The following CSNK1G1 variants were observed in gnomAD, a reference collection of about 807,000 sequenced individuals.
CSNK1G1 encodes the protein casein kinase 1 gamma 1.
Under a neutral mutation model 59.6 loss-of-function variants are expected in CSNK1G1, and 22 were observed. That is an observed-to-expected ratio of 0.37 (90% confidence interval 0.26 to 0.53). The LOEUF (loss-of-function observed/expected upper bound fraction) is 0.53, where lower values mean the gene tolerates loss of function less well. Among genes scored for constraint, CSNK1G1 ranks in the 20% least tolerant of loss-of-function variants. The probability of loss-of-function intolerance (pLI) is 0.89; values close to 1 mark genes in which losing one functional copy is unlikely to be tolerated. For missense variants in CSNK1G1, 384 were observed against 519.5 expected (o/e 0.74, Z 2.54); for synonymous variants, 179 against 177.1 (o/e 1.01, Z -0.08).
intron 2 of CSNK1G1, among the ~76,000 whole-genome samples, chr15:64,297,010 C>T (rs1895061277): frequency 7.3e-6 from 1 of 136,160 alleles, no homozygotes; most frequent in South Asian, 2.3e-4. Flanking sequence ...CCCACATAAA[C>T]CTGGAGCCCA....
chr15:64,184,493 A>G (rs2081863706), intron 10 of CSNK1G1, among the ~76,000 whole-genome samples: 1 of 151,694 alleles, frequency 6.6e-6, no homozygotes. Flanking sequence ...CCTGGACAAC[A>G]TGGTGAAACC....
At chr15:64,187,874 A>G (rs2081919067) in intron 10 of CSNK1G1, among the ~76,000 whole-genome samples, 1 of 152,228 alleles carries the variant, frequency 6.6e-6, no homozygotes, top group African/African-American at 2.4e-5. Flanking sequence ...TTAAGATCAC[A>G]TTGATTCCAG....
At chr15:64,180,521 C>T in intron 10 of CSNK1G1, 67 bp from the exon 11 acceptor site, 2 of 1,289,976 alleles carry the variant, frequency 1.6e-6, no homozygotes, top group Admixed American at 1.7e-5. Context: ...CAGCGCCAGA[C>T]AGGGTCGCTA....
Position 64,213,925 on chromosome 15 carries a change from G to C in CSNK1G1, c.644C>G (p.Ala215Gly). Residue 215 changes from alanine (A) to glycine (G), a missense_variant, in exon 6 of 12, where the codon GCA (alanine) becomes GGA (glycine). Ala to Gly is a moderately conservative substitution (Grantham distance 60, BLOSUM62 0). This residue lies in a region of CSNK1G1 where 325 missense variants were observed against 440.9 expected (regional missense o/e 0.74). Transcript: ENST00000303052. ...YREHKSLTGTARYMSINTHLG... is the reference protein window; with the variant it reads ...YREHKSLTGTGRYMSINTHLG... Reference sequence around the variant, plus strand: ...ATGCGTGTTGATAGACATATATCTTGCAGTTCCAGTTAAACTTTTGTGTTC... The same window carrying C: ...ATGCGTGTTGATAGACATATATCTTCCAGTTCCAGTTAAACTTTTGTGTTC... 1 of 1,614,030 alleles carries C rather than the reference G, an allele frequency of 6.2e-7. No individual in the cohort carries two copies. Among genetic ancestry groups the C allele is most frequent in the Non-Finnish European group, 8.5e-7 (1 of 1,179,922 alleles).
At chr15:64,313,449 A>G in intron 1 of CSNK1G1, among the ~76,000 whole-genome samples, 1 of 152,228 alleles carries the variant, frequency 6.6e-6, no homozygotes, top group Non-Finnish European at 1.5e-5. Context: ...TGTCCTTTGC[A>G]GGGACATGGA....
At chr15:64,296,937 CTTTTTTTTTT>C (rs960068624) in intron 2 of CSNK1G1, among the ~76,000 whole-genome samples, 84 of 89,668 alleles carry the variant, frequency 9.4e-4, no homozygotes, top group Non-Finnish European at 4.4e-4. Flanking sequence ...ACTATCGTTA[CTTTTTTTTTT>C]TTTTTTTTTT....
chr15:64,231,066 C>T (rs2082541605), intron 4 of CSNK1G1, among the ~76,000 whole-genome samples: 1 of 151,548 alleles, frequency 6.6e-6, no homozygotes, highest in South Asian at 2.1e-4. Context: ...GTGGCTCACA[C>T]CTGTAATCTC....
At chr15:64,220,156 G>A (rs1175643977) in intron 4 of CSNK1G1, among the ~76,000 whole-genome samples, 1 of 150,656 alleles carries the variant, frequency 6.6e-6, no homozygotes, top group Non-Finnish European at 1.5e-5. Flanking sequence ...ATGCAGTGGC[G>A]TGGTCTCAGC....
rs561897988 is a variant in CSNK1G1, at chr15:64,317,165, T to C, written c.-224-16442A>G. Among the ~76,000 whole-genome samples the C allele has an allele frequency of 3.8e-4, 58 of 152,296 alleles. No homozygotes were observed. In the South Asian group the frequency reaches 8.1e-3, roughly 21 times the overall value. On this transcript the variant is annotated intron_variant, in intron 1 of 11. Coordinates refer to ENST00000303052, the MANE Select transcript of CSNK1G1 (RefSeq NM_022048.5). Reference sequence around the variant, plus strand: ...GTGCAGTGGCATAATCTAGGCTCACTGCAACCTCCGCCTCCCAGGTTCAAG... The same window carrying C: ...GTGCAGTGGCATAATCTAGGCTCACCGCAACCTCCGCCTCCCAGGTTCAAG...
chr15:64,307,307 C>CA (rs1313441758), intron 1 of CSNK1G1, among the ~76,000 whole-genome samples: 7 of 151,894 alleles, frequency 4.6e-5, no homozygotes, highest in Non-Finnish European at 8.8e-5. Context: ...AAACTGTACC[C>CA]AAAAAATCTA....
chr15:64,355,517 G>A (rs1055645092), intron 1 of CSNK1G1, among the ~76,000 whole-genome samples: 1 of 152,208 alleles, frequency 6.6e-6, no homozygotes, highest in African/African-American at 2.4e-5. Context: ...GCTCCGCCAA[G>A]GGCGGCTCCC....
intron 4 of CSNK1G1, among the ~76,000 whole-genome samples, chr15:64,237,412 C>T (rs190531095): frequency 1.9e-3 from 295 of 152,290 alleles, no homozygotes; most frequent in Non-Finnish European, 3.8e-3. Flanking sequence ...TTCACTATTT[C>T]ATCCTTTCTT....
In CSNK1G1 at chr15:64,263,281, A is replaced by G. The variant is rs147257265; in HGVS notation, c.182-4040T>C. On this transcript the variant is annotated intron_variant, in intron 2 of 11. Coordinates refer to ENST00000303052, the MANE Select transcript of CSNK1G1 (RefSeq NM_022048.5). ...TCAGCTCATTGCAACCTTTGCCTCC[A>G]TGGTTCAAGCGATTCTCCTGCCTCA... Among the ~76,000 whole-genome samples the G allele has an allele frequency of 6.9e-3, 1,046 of 151,388 alleles. 17 individuals are homozygous for G. The highest frequency in any genetic ancestry group is 0.024 in the African/African-American group (1,002 of 41,312).
chr15:64,175,163 A>G (rs1194912620), intron 11 of CSNK1G1, among the ~76,000 whole-genome samples: 1 of 152,122 alleles, frequency 6.6e-6, no homozygotes, highest in African/African-American at 2.4e-5. Context: ...ACAAATAGCC[A>G]AAGGTATTCT....
At chr15:64,266,536 G>A (rs1892996993) in intron 2 of CSNK1G1, among the ~76,000 whole-genome samples, 1 of 152,018 alleles carries the variant, frequency 6.6e-6, no homozygotes, top group African/African-American at 2.4e-5. Context: ...AAATTCATAT[G>A]GAACCACAAA....
chr15:64,243,279 T>C (rs1170117499), intron 4 of CSNK1G1, among the ~76,000 whole-genome samples: 3 of 151,916 alleles, frequency 2.0e-5, no homozygotes, highest in African/African-American at 7.3e-5. Flanking sequence ...GAGGTTGCAG[T>C]GAGCCAAGAT....
intron 4 of CSNK1G1, among the ~76,000 whole-genome samples, chr15:64,227,363 CATG>C (rs2082476663): frequency 1.3e-5 from 2 of 152,260 alleles, no homozygotes; most frequent in South Asian, 4.1e-4. Flanking sequence ...TTAAATCTTC[CATG>C]ATGATTGTAA....
chr15:64,294,652 T>G (rs1894916254), intron 2 of CSNK1G1, among the ~76,000 whole-genome samples: 1 of 152,066 alleles, frequency 6.6e-6, no homozygotes, highest in Admixed American at 6.6e-5. Context: ...GGCTCATACC[T>G]GTAATCCCAG....
chr15:64,212,275 A>G (rs898127200), intron 6 of CSNK1G1, among the ~76,000 whole-genome samples: 1 of 152,244 alleles, frequency 6.6e-6, no homozygotes, highest in African/African-American at 2.4e-5. Flanking sequence ...TCTTGATAAC[A>G]TCATAATTTC....
Sources: gnomAD v4.1 joint callset for allele counts (sites outside exome capture counted in the v4.1 genomes callset) on GRCh38, gnomAD v4.1.1 for gene constraint, gnomAD v4.1.1 regional missense constraint, MANE v1.5 for transcripts, NCBI Gene and HGNC (gene_info 2026-07-23, HGNC 2026-07-21) for gene names.